The following HELLS variants were observed in gnomAD, a reference collection of about 807,000 sequenced individuals.
HELLS encodes helicase, lymphoid specific.
Under a neutral mutation model 120.0 loss-of-function variants are expected in HELLS, and 32 were observed. The observed-to-expected ratio is 0.27, with a 90% CI of 0.20 to 0.36. The LOEUF (loss-of-function observed/expected upper bound fraction) is 0.36, where lower values mean the gene tolerates loss of function less well. Ranked by LOEUF, HELLS falls within the 10% of genes least tolerant of loss-of-function variation. HELLS has a pLI of 1.00. For missense variants in HELLS, 650 were observed against 993.4 expected (o/e 0.65, Z 4.65); for synonymous variants, 341 against 323.4 (o/e 1.05, Z -0.58).
At chr10:94,559,589 G>A (rs748533869) in intron 4 of HELLS, among the ~76,000 whole-genome samples, 1 of 151,910 alleles carries the variant, frequency 6.6e-6, no homozygotes, top group Non-Finnish European at 1.5e-5. Flanking sequence ...GGGACTACAG[G>A]TGCGCGCCAC....
At chr10:94,567,138 C>A (rs773966271) in intron 6 of HELLS, among the ~76,000 whole-genome samples, 1 of 152,072 alleles carries the variant, frequency 6.6e-6, no homozygotes, top group Non-Finnish European at 1.5e-5. Flanking sequence ...AGTGTTCTGC[C>A]ACTGTGGACC....
intron 2 of HELLS, among the ~76,000 whole-genome samples, chr10:94,553,265 T>C (rs908206564): frequency 1.3e-5 from 2 of 151,854 alleles, no homozygotes; most frequent in South Asian, 2.1e-4. Flanking sequence ...TTTTTTTTTT[T>C]CCGGACGGAG....
chr10:94,599,572 G>T (rs1647689233), intron 21 of HELLS, among the ~76,000 whole-genome samples: 1 of 152,076 alleles, frequency 6.6e-6, no homozygotes, highest in Non-Finnish European at 1.5e-5. Flanking sequence ...GCTCAAGCTG[G>T]TCTCACACTC....
downstream of HELLS, among the ~76,000 whole-genome samples, chr10:94,602,866 G>A (rs923722419): frequency 2.0e-4 from 31 of 152,270 alleles, no homozygotes; most frequent in African/African-American, 7.0e-4. Flanking sequence ...TAAGCATGCT[G>A]ACCTAGGCTT....
intron 10 of HELLS, among the ~76,000 whole-genome samples, chr10:94,580,838 GA>G (rs1393253604): frequency 6.6e-6 from 1 of 152,094 alleles, no homozygotes; most frequent in East Asian, 1.9e-4. Context: ...ATTAAAATGA[GA>G]AAGTTAAAAC....
chr10:94,554,535 A>T (rs1843146969), intron 3 of HELLS, among the ~76,000 whole-genome samples: 1 of 152,188 alleles, frequency 6.6e-6, no homozygotes, highest in Non-Finnish European at 1.5e-5. Flanking sequence ...TTTCCTAGAA[A>T]ATTGTATAAA....
At chr10:94,604,124 CT>C (rs1197097813), downstream of HELLS, among the ~76,000 whole-genome samples, 2,298 of 130,398 alleles carry the variant, frequency 0.018, 41 homozygotes, top group African/African-American at 0.054. Flanking sequence ...CCACATCTGG[CT>C]TTTTTTTTTT....
chr10:94,603,210 C>G (rs1033952436), downstream of HELLS, among the ~76,000 whole-genome samples: 3 of 152,160 alleles, frequency 2.0e-5, no homozygotes, highest in African/African-American at 7.2e-5. Context: ...TATAGCAAAA[C>G]TCCTTGCCTG....
At chr10:94,548,091 C>T (rs1336039337) in intron 2 of HELLS, among the ~76,000 whole-genome samples, 7 of 152,160 alleles carry the variant, frequency 4.6e-5, no homozygotes, top group African/African-American at 1.7e-4. Flanking sequence ...ATACTTCATA[C>T]TACTTTTTGA....
chr10:94,581,604 T>A, intron 11 of HELLS, 82 bp downstream of exon 11: 1 of 974,766 alleles, frequency 1.0e-6, no homozygotes, highest in Non-Finnish European at 1.5e-6. Context: ...GTGACTGAAT[T>A]AAAATGCCAA....
chr10:94,590,977 T>C (rs187142969), intron 15 of HELLS, among the ~76,000 whole-genome samples: 21 of 152,286 alleles, frequency 1.4e-4, no homozygotes, highest in Admixed American at 1.2e-3. Flanking sequence ...ATGGTCACTT[T>C]CTATGAGCAA....
rs1038382456 is a variant in HELLS, at chr10:94,562,601, A to G, written c.334-90A>G. 12 of 869,100 alleles carry G rather than the reference A, an allele frequency of 1.4e-5. 2 individuals carry two copies. Among genetic ancestry groups the G allele is most frequent in the Admixed American group, 7.2e-5 (3 of 41,804 alleles). The allele number at this position is 869,100 out of a possible 1,614,324, so 53.8% of individuals were successfully genotyped here. On this transcript the variant is annotated intron_variant, in intron 4 of 21. Coordinates refer to ENST00000348459, the MANE Select transcript of HELLS (RefSeq NM_018063.5). ...TGGATGTGGCTCAATTGCAGGAAAC[A>G]TATTTTTTCTCAAGTTAATCAGTGC...
At chr10:94,607,580 C>T (rs2134144741) in intron 8 of HELLS, among the ~76,000 whole-genome samples, 1 of 152,242 alleles carries the variant, frequency 6.6e-6, no homozygotes, top group African/African-American at 2.4e-5. Flanking sequence ...TTTAGTGAGT[C>T]ACTATTCCAT....
At chr10:94,548,034 A>G (rs1014930019) in intron 2 of HELLS, among the ~76,000 whole-genome samples, 1 of 152,192 alleles carries the variant, frequency 6.6e-6, no homozygotes, top group Non-Finnish European at 1.5e-5. Flanking sequence ...GAATTTTCAT[A>G]GTACTTTATT....
At chr10:94,607,892 T>C in intron 8 of HELLS, 1 of 424,794 alleles carries the variant, frequency 2.4e-6, no homozygotes, top group Non-Finnish European at 4.7e-6. Flanking sequence ...CACACCCAAC[T>C]GATTTTTGTA....
chr10:94,592,999 T>C (rs958929326), intron 17 of HELLS, among the ~76,000 whole-genome samples: 1 of 152,316 alleles, frequency 6.6e-6, no homozygotes, highest in East Asian at 1.9e-4. Flanking sequence ...TAGATGATAC[T>C]ACCCTTTTCC....
Position 94,592,320 on chromosome 10 carries a change from T to C in HELLS, c.1851+8T>C. 1 of 1,600,418 alleles carries C rather than the reference T, an allele frequency of 6.2e-7. No individual in the cohort carries two copies. The highest frequency in any genetic ancestry group is 8.5e-7 in the Non-Finnish European group (1 of 1,174,732). On this transcript the variant is annotated splice_region_variant and intron_variant, in intron 16 of 21. Coordinates refer to ENST00000348459, the MANE Select transcript of HELLS (RefSeq NM_018063.5). ...AAAAAAAGAGGTCACAAGGTGGTAC[T>C]TTTGATTGGAATTTTGGATTGTTCA...
exon 10 of HELLS, chr10:94,610,963 G>A (rs1307102457): frequency 6.6e-6 from 1 of 152,074 alleles, no homozygotes; most frequent in Non-Finnish European, 1.5e-5. Flanking sequence ...TTACAGCCTA[G>A]AATTTTATCT....
intron 6 of HELLS, among the ~76,000 whole-genome samples, chr10:94,568,069 C>G (rs554257224): frequency 3.3e-4 from 50 of 152,080 alleles, no homozygotes; most frequent in Admixed American, 8.5e-4. Flanking sequence ...GTCACCACGC[C>G]CAGCTAATTT....
Sources: gnomAD v4.1 joint callset for allele counts (sites outside exome capture counted in the v4.1 genomes callset) on GRCh38, gnomAD v4.1.1 for gene constraint, MANE v1.5 for transcripts, NCBI Gene and HGNC (gene_info 2026-07-23, HGNC 2026-07-21) for gene names.